The following SMG6 variants were observed in gnomAD, a reference collection of about 807,000 sequenced individuals.
SMG6 encodes telomerase-binding protein EST1A.
In SMG6, 66 loss-of-function variants were observed where a neutral mutation model predicts 142.2. The observed-to-expected ratio is 0.46, with a 90% CI of 0.38 to 0.57. The LOEUF is 0.57. Ranked by LOEUF, SMG6 falls within the 20% of genes least tolerant of loss-of-function variation. SMG6 has a pLI of 0.00. For missense variants in SMG6, 1,793 were observed against 1,832.0 expected (o/e 0.98, Z 0.39); for synonymous variants, 779 against 702.4 (o/e 1.11, Z -1.72).
chr17:2,144,811 C>T (rs773163659), intron 13 of SMG6, among the ~76,000 whole-genome samples: 20 of 152,236 alleles, frequency 1.3e-4, no homozygotes, highest in Non-Finnish European at 2.1e-4. Flanking sequence ...GTAAAATGCT[C>T]ACCATGAGGT....
rs1254017070 is a variant in SMG6 at position 2,085,429 on chromosome 17, C to T, written c.3534+296G>A. On this transcript the variant is annotated intron_variant, in intron 14 of 18. Coordinates refer to ENST00000263073, the MANE Select transcript of SMG6 (RefSeq NM_017575.5). This position sits in a 1 kb window ranked among gnomAD's most constrained non-coding sequence, Gnocchi z 4.1. Reference sequence around the variant, plus strand: ...ACTTGATCCTGACCACCCCCCTCTCCCTTTCCTAAGCCTCGAGAGCTGCAC... The same window carrying T: ...ACTTGATCCTGACCACCCCCCTCTCTCTTTCCTAAGCCTCGAGAGCTGCAC... Among the ~76,000 whole-genome samples, 2 of 152,202 alleles carry T rather than the reference C, an allele frequency of 1.3e-5. No homozygotes were observed. The highest frequency in any genetic ancestry group is 4.8e-5 in the African/African-American group (2 of 41,446).
At chr17:2,089,782 T>G (rs1234072023) in intron 13 of SMG6, 1 of 152,120 alleles carries the variant, frequency 6.6e-6, no homozygotes, top group Non-Finnish European at 1.5e-5. Context: ...AAGTAGGGGC[T>G]GGAGCCAAGG....
chr17:2,292,518 A>T, intron 6 of SMG6, 34 bp downstream of exon 6: 1 of 1,602,696 alleles, frequency 6.2e-7, no homozygotes, highest in African/African-American at 1.3e-5. Context: ...TACTTCCTGC[A>T]AAGCACTTTT....
chr17:2,123,104 G>A (rs1013701845), intron 13 of SMG6, among the ~76,000 whole-genome samples: 24 of 129,482 alleles, frequency 1.9e-4, no homozygotes, highest in East Asian at 1.2e-3. Flanking sequence ...CTGCTCCACC[G>A]CAGCCCTGAA....
At chr17:2,203,349 G>A (rs529205680) in intron 10 of SMG6, among the ~76,000 whole-genome samples, 4 of 152,246 alleles carry the variant, frequency 2.6e-5, no homozygotes, top group Non-Finnish European at 4.4e-5. Context: ...GGCACTGGAC[G>A]AGTCCCTTAG....
At chr17:2,160,177 TTAG>T (rs1036944630) in intron 13 of SMG6, among the ~76,000 whole-genome samples, 68 of 152,270 alleles carry the variant, frequency 4.5e-4, no homozygotes, top group African/African-American at 1.5e-3. Context: ...TAAATATATA[TTAG>T]TAAGTTGATT....
intron 13 of SMG6, among the ~76,000 whole-genome samples, chr17:2,096,028 C>T (rs1179619213): frequency 6.6e-6 from 1 of 152,096 alleles, no homozygotes; most frequent in Non-Finnish European, 1.5e-5. Context: ...TCAATTCATT[C>T]CCTCATCGTC....
intron 13 of SMG6, among the ~76,000 whole-genome samples, chr17:2,149,558 G>C (rs933222382): frequency 5.9e-5 from 9 of 152,178 alleles, no homozygotes; most frequent in African/African-American, 2.2e-4. Flanking sequence ...AAAGCTACCA[G>C]TGAACGAAGG....
intron 13 of SMG6, among the ~76,000 whole-genome samples, chr17:2,117,414 G>T (rs1241778580): frequency 6.6e-6 from 1 of 151,946 alleles, no homozygotes; most frequent in Admixed American, 6.6e-5. Flanking sequence ...CAAATAATGC[G>T]CAAATAACTA....
rs869066817 is a variant in SMG6, at chr17:2,258,008, CAAAAAAAAAAAA to C, written c.2662-13301_2662-13290del. Among the ~76,000 whole-genome samples, 15 of 26,656 alleles carry C rather than the reference CAAAAAAAAAAAA, an allele frequency of 5.6e-4. 1 individual carries two copies. Among genetic ancestry groups the C allele is most frequent in the Admixed American group, 1.4e-3 (3 of 2,076 alleles). The allele number at this position is 26,656 out of a possible 152,430, so 17.5% of individuals were successfully genotyped here. On this transcript the variant is annotated intron_variant, in intron 8 of 18. Transcript: ENST00000263073. ...TGGGCGACAAAGCGAGACTCTGTCGCAAAAAAAAAAAAAAAAAAAAAAAAAAATATACACACA... is the reference window on the plus strand; with the variant it reads ...TGGGCGACAAAGCGAGACTCTGTCGCAAAAAAAAAAAAAAATATACACACA...
chr17:2,273,747 A>C (rs1484607238), intron 8 of SMG6, among the ~76,000 whole-genome samples: 1 of 152,154 alleles, frequency 6.6e-6, no homozygotes, highest in East Asian at 1.9e-4. Flanking sequence ...CAGTGAGCAG[A>C]GATCGCGCCA....
At chr17:2,115,719 C>T (rs951842648) in intron 13 of SMG6, among the ~76,000 whole-genome samples, 2 of 152,138 alleles carry the variant, frequency 1.3e-5, no homozygotes, top group Non-Finnish European at 2.9e-5. Flanking sequence ...GCAAACATTT[C>T]TCTTTTTTGC....
chr17:2,293,930 T>C (rs902326060), intron 4 of SMG6, among the ~76,000 whole-genome samples: 3 of 152,242 alleles, frequency 2.0e-5, no homozygotes, highest in East Asian at 3.8e-4. Context: ...TTCTCACTGA[T>C]TGGCTTGGCA....
At chr17:2,231,809 G>A (rs2073504254) in intron 10 of SMG6, among the ~76,000 whole-genome samples, 1 of 149,454 alleles carries the variant, frequency 6.7e-6, no homozygotes, top group Non-Finnish European at 1.5e-5. Flanking sequence ...AATACCAATA[G>A]CACGTGCAAG....
rs1038464617 is a variant in SMG6 at position 2,293,469 on chromosome 17, T to A, written c.2152-492A>T. On this transcript the variant is annotated intron_variant, in intron 4 of 18. Transcript: ENST00000263073. ...ACAATTGTTTACTCTATTCTTTTTT[T>A]TCCCCCCTAATAATTTCTGAGACAG... Among the ~76,000 whole-genome samples the A allele has an allele frequency of 7.0e-5, 7 of 100,294 alleles. No individual in the cohort carries two copies. In the Admixed American group the frequency reaches 7.4e-4, roughly 11 times the overall value. The allele number at this position is 100,294 out of a possible 152,430, so 65.8% of individuals were successfully genotyped here. A position where few individuals can be genotyped will look rare whatever the true frequency, so the allele number is the denominator to read the frequency against.
intron 13 of SMG6, among the ~76,000 whole-genome samples, chr17:2,166,724 G>T (rs758918356): frequency 2.6e-5 from 4 of 152,234 alleles, no homozygotes; most frequent in Non-Finnish European, 4.4e-5. Flanking sequence ...TTCCTAAAGT[G>T]CTGGGATGAC....
intron 10 of SMG6, among the ~76,000 whole-genome samples, chr17:2,235,446 A>G (rs1347261310): frequency 3.3e-5 from 5 of 152,200 alleles, no homozygotes; most frequent in Non-Finnish European, 7.3e-5. Context: ...CAAGTGAAGC[A>G]TAACCCTTAA....
At chr17:2,249,460 A>T (rs1446583380) in intron 8 of SMG6, among the ~76,000 whole-genome samples, 1 of 151,900 alleles carries the variant, frequency 6.6e-6, no homozygotes, top group Non-Finnish European at 1.5e-5. Context: ...GTGCAGGGCT[A>T]ATTTATTTTC....
chr17:2,087,713 A>G (rs1597365540), intron 13 of SMG6: 1 of 987,258 alleles, frequency 1.0e-6, no homozygotes, highest in East Asian at 1.1e-4. Flanking sequence ...GGCTAGAAAT[A>G]CAGAAGCAGG....
Sources: gnomAD v4.1 joint callset for allele counts (sites outside exome capture counted in the v4.1 genomes callset) on GRCh38, gnomAD v4.1.1 for gene constraint, Gnocchi (gnomAD v3.1) non-coding constraint, MANE v1.5 for transcripts, NCBI Gene and HGNC (gene_info 2026-07-23, HGNC 2026-07-21) for gene names.